The following GRID2 variants were observed in gnomAD, a reference collection of about 807,000 sequenced individuals.
GRID2 encodes glutamate ionotropic receptor delta type subunit 2.
In GRID2, 33 loss-of-function variants were observed where a neutral mutation model predicts 114.8. The ratio of observed to expected loss-of-function variants is 0.29; its 90% CI spans 0.22 to 0.38. The LOEUF (loss-of-function observed/expected upper bound fraction) is 0.38. GRID2 is among the 10% of genes least tolerant of loss of function. The pLI, the probability that GRID2 is intolerant of heterozygous loss-of-function variation, is 1.00. For synonymous variants in GRID2, 505 were observed against 449.9 expected (o/e 1.12, Z -1.55); for missense variants, 1,184 against 1,257.7 (o/e 0.94, Z 0.89).
chr4:92,962,175 C>T (rs1225079822), intron 2 of GRID2, among the ~76,000 whole-genome samples: 1 of 151,908 alleles, frequency 6.6e-6, no homozygotes, highest in Non-Finnish European at 1.5e-5. Context: ...ATGGTTCTGA[C>T]ACTTACTGTG....
intron 2 of GRID2, among the ~76,000 whole-genome samples, chr4:92,664,624 A>G (rs527293882): frequency 6.6e-4 from 100 of 151,092 alleles, no homozygotes; most frequent in African/African-American, 2.4e-3. Flanking sequence ...TCTCTTCATT[A>G]TTAAGAATGA....
intron 1 of GRID2, among the ~76,000 whole-genome samples, chr4:92,408,431 C>CTTTT (rs35638036): frequency 2.3e-3 from 45 of 19,366 alleles, no homozygotes; most frequent in Non-Finnish European, 3.1e-3. Context: ...TATTCAAGCT[C>CTTTT]TTTTTTTTTT....
intron 14 of GRID2, among the ~76,000 whole-genome samples, chr4:93,705,687 A>G (rs1727936606): frequency 6.6e-6 from 1 of 152,146 alleles, no homozygotes; most frequent in African/African-American, 2.4e-5. Context: ...TTTTAACTTG[A>G]TGCAATCCCT....
intron 3 of GRID2, among the ~76,000 whole-genome samples, chr4:93,110,130 A>G (rs1352068344): frequency 6.6e-6 from 1 of 152,190 alleles, no homozygotes; most frequent in Non-Finnish European, 1.5e-5. Context: ...TACTAAGGCA[A>G]ACTTGGTATC....
At chr4:92,823,612 A>G (rs1171134371) in intron 2 of GRID2, among the ~76,000 whole-genome samples, 4 of 152,166 alleles carry the variant, frequency 2.6e-5, no homozygotes, top group Non-Finnish European at 5.9e-5. Context: ...GAAAAGTTCT[A>G]GATTAAAAAT....
chr4:93,399,635 G>A lies in GRID2; in HGVS notation c.1347+3927G>A, dbSNP rs189876943. Among the ~76,000 whole-genome samples, 53 of 152,238 alleles carry A rather than the reference G, an allele frequency of 3.5e-4. No homozygotes were observed. In the East Asian group the frequency reaches 9.3e-3, roughly 27 times the overall value. On this transcript the variant is annotated intron_variant, in intron 9 of 15. Coordinates refer to ENST00000282020, the MANE Select transcript of GRID2 (RefSeq NM_001510.4). ...GACAAAGCAATAGAGCCATGGGAGAGAGACCATCACTCATAGTAGTAGTGA... is the reference window on the plus strand; with the variant it reads ...GACAAAGCAATAGAGCCATGGGAGAAAGACCATCACTCATAGTAGTAGTGA...
At chr4:92,603,764 GAA>G (rs1729331043) in intron 2 of GRID2, among the ~76,000 whole-genome samples, 1 of 151,240 alleles carries the variant, frequency 6.6e-6, no homozygotes, top group African/African-American at 2.4e-5. Flanking sequence ...CAGAATGGGA[GAA>G]AATTTTCACA....
At chr4:93,799,163 A>G (rs1734868019) in intron 1 of GRID2, among the ~76,000 whole-genome samples, 1 of 152,226 alleles carries the variant, frequency 6.6e-6, no homozygotes, top group African/African-American at 2.4e-5. Flanking sequence ...TATTGTGGCT[A>G]GAAATCGTAT....
chr4:92,326,015 C>T (rs1189362153), intron 1 of GRID2, among the ~76,000 whole-genome samples: 1 of 151,596 alleles, frequency 6.6e-6, no homozygotes, highest in African/African-American at 2.4e-5. Context: ...TAATTCTACA[C>T]ATGAAAAGTA....
intron 13 of GRID2, among the ~76,000 whole-genome samples, chr4:93,617,702 G>A (rs771697535): frequency 6.6e-6 from 1 of 151,970 alleles, no homozygotes; most frequent in Non-Finnish European, 1.5e-5. Context: ...TCTTGGTATC[G>A]AGATGATACC....
At position 93,198,843 on chromosome 4, in the gene GRID2, T is replaced by C. The variant is rs1036394328; in HGVS notation, c.736-8561T>C. On this transcript the variant is annotated intron_variant, in intron 4 of 15. Transcript: ENST00000282020. The stretch of plus-strand genomic sequence containing the variant: ...AGACTTGAAAAACTTTATTTTTTCT[T>C]TATTGGCTTCAAGATAGCAAGAAAG... Among the ~76,000 whole-genome samples, 9 of 152,290 alleles carry C rather than the reference T, an allele frequency of 5.9e-5. No individual in the cohort carries two copies. The East Asian group carries it at 1.7e-3, about 29-fold the overall frequency.
At chr4:92,766,453 C>T (rs1386926066) in intron 2 of GRID2, among the ~76,000 whole-genome samples, 2 of 145,952 alleles carry the variant, frequency 1.4e-5, no homozygotes, top group African/African-American at 2.5e-5. Context: ...AGGAGAATGG[C>T]GTGAACCCAG....
intron 13 of GRID2, among the ~76,000 whole-genome samples, chr4:93,520,974 C>A (rs1730280539): frequency 6.6e-6 from 1 of 151,984 alleles, no homozygotes; most frequent in South Asian, 2.1e-4. Flanking sequence ...TGTAATAATC[C>A]AAGTGTGACA....
chr4:92,641,442 T>G (rs1242089379), intron 2 of GRID2, among the ~76,000 whole-genome samples: 1 of 125,288 alleles, frequency 8.0e-6, no homozygotes, highest in African/African-American at 3.2e-5. Context: ...GCCTGGCCAA[T>G]ATTTTTTTTT....
intron 2 of GRID2, among the ~76,000 whole-genome samples, chr4:92,729,843 G>A (rs1331865535): frequency 1.6e-4 from 24 of 151,832 alleles, no homozygotes; most frequent in Admixed American, 1.6e-3. Context: ...CCTCTTTATA[G>A]TAGAATTTCA....
At chr4:93,303,353 T>G (rs1560476536) in intron 8 of GRID2, among the ~76,000 whole-genome samples, 1 of 152,156 alleles carries the variant, frequency 6.6e-6, no homozygotes, top group Non-Finnish European at 1.5e-5. Context: ...TACAAATATA[T>G]CTTCCCCAGA....
chr4:92,961,885 T>C (rs2149156399), intron 2 of GRID2, among the ~76,000 whole-genome samples: 1 of 152,042 alleles, frequency 6.6e-6, no homozygotes, highest in Non-Finnish European at 1.5e-5. Flanking sequence ...ATTTTTCTTT[T>C]TTGGCAATAA....
At chr4:93,087,291 C>T (rs1215947116) in intron 3 of GRID2, among the ~76,000 whole-genome samples, 8 of 151,936 alleles carry the variant, frequency 5.3e-5, no homozygotes, top group Non-Finnish European at 1.0e-4. Flanking sequence ...CCACCCACCT[C>T]GGCCTCCCAA....
At chr4:93,569,363 C>A (rs2149576911) in intron 13 of GRID2, among the ~76,000 whole-genome samples, 1 of 152,200 alleles carries the variant, frequency 6.6e-6, no homozygotes, top group Non-Finnish European at 1.5e-5. Flanking sequence ...TCCTCAATTT[C>A]TCTCTTTTCC....
Sources: allele counts gnomAD v4.1 joint callset (sites outside exome capture counted in the v4.1 genomes callset), GRCh38; gene constraint gnomAD v4.1.1; transcripts MANE v1.5; gene names NCBI Gene and HGNC (gene_info 2026-07-23, HGNC 2026-07-21).